BRCC3: variants seen among roughly 807,000 people sequenced by gnomAD.
BRCC3 encodes BRCA1/BRCA2-containing complex subunit 3, also known as lys-63-specific deubiquitinase BRCC36.
In BRCC3, 15 loss-of-function variants were observed where a neutral mutation model predicts 28.0. The ratio of observed to expected loss-of-function variants is 0.54; its 90% CI spans 0.36 to 0.82. The LOEUF is 0.82. Among genes scored for constraint, BRCC3 ranks in the 40% least tolerant of loss-of-function variants. The pLI is 0.01. For synonymous variants in BRCC3, 66 were observed against 80.3 expected (o/e 0.82, Z 0.95); for missense variants, 109 against 225.9 (o/e 0.48, Z 3.32).
chrX:155,088,352 CTTTTT>C (rs781981831), intron 5 of BRCC3, among the ~76,000 whole-genome samples: 1 of 90,323 alleles, frequency 1.1e-5, no homozygotes, highest in African/African-American at 4.0e-5. Flanking sequence ...TAGTTTTTGG[CTTTTT>C]TTTTTTTTTT....
At chrX:155,073,242 A>G (rs782704724) in intron 2 of BRCC3, 135 bp from the exon 3 acceptor site, 5 of 702,738 alleles carry the variant, frequency 7.1e-6, no homozygotes, top group Admixed American at 3.4e-5. Flanking sequence ...TCTAGCCTCA[A>G]TTCAGTTTCC....
At chrX:155,109,209 G>A (rs1016183061) in intron 7 of BRCC3, among the ~76,000 whole-genome samples, 2 of 111,906 alleles carry the variant, frequency 1.8e-5, no homozygotes, top group African/African-American at 3.2e-5. Flanking sequence ...CTTAGTTGCT[G>A]TAGCTTTATA....
Position 155,071,573 on chromosome X carries a change from T to A in BRCC3, c.46T>A (p.Ser16Thr). Residue 16 changes from serine (S) to threonine (T), a missense_variant, in exon 1 of 11, where the codon TCT (serine) becomes ACT (threonine). By Grantham distance (58) the Ser-to-Thr change is moderately conservative. Transcript: ENST00000330045. The stretch of plus-strand genomic sequence containing the variant: ...GGCGGTGCAGGCGGTTCATCTCGAG[T>A]CTGACGCTTTCCTCGTTTGTCTCAA... ...VQAVQAVHLE[S>T]DAFLVCLNHA... The A allele has an allele frequency of 8.3e-7, 1 of 1,207,939 alleles. No individual in the cohort carries two copies. The highest frequency in any genetic ancestry group is 1.8e-5 in the South Asian group (1 of 56,382).
intron 7 of BRCC3, among the ~76,000 whole-genome samples, chrX:155,115,644 T>C (rs2074349855): frequency 8.9e-6 from 1 of 112,394 alleles, no homozygotes; most frequent in African/African-American, 3.2e-5. Flanking sequence ...ACATAATGAA[T>C]GTGATGGAGT....
chrX:155,084,524 G>A (rs1227116579), intron 5 of BRCC3, among the ~76,000 whole-genome samples: 1 of 111,388 alleles, frequency 9.0e-6, no homozygotes, highest in Admixed American at 9.5e-5. Flanking sequence ...CACCACACCC[G>A]GCTAATTTTT....
At chrX:155,089,623 G>A (rs781828452) in intron 6 of BRCC3, among the ~76,000 whole-genome samples, 14 of 111,506 alleles carry the variant, frequency 1.3e-4, no homozygotes, top group Non-Finnish European at 2.5e-4. Flanking sequence ...AAGTTGGTGT[G>A]GCTGCAGCAG....
At chrX:155,100,716 C>T (rs1384504866) in intron 7 of BRCC3, among the ~76,000 whole-genome samples, 2 of 111,617 alleles carry the variant, frequency 1.8e-5, no homozygotes, top group Non-Finnish European at 3.8e-5. Flanking sequence ...ATATGTTTTT[C>T]CACTGTAAAG....
chrX:155,109,097 C>T (rs1389293763), intron 7 of BRCC3, among the ~76,000 whole-genome samples: 11 of 111,372 alleles, frequency 9.9e-5, no homozygotes, highest in African/African-American at 3.6e-4. Context: ...TGCTGCCTTG[C>T]CACTTTGCCT....
intron 7 of BRCC3, among the ~76,000 whole-genome samples, chrX:155,094,433 G>A (rs1412753634): frequency 4.5e-5 from 5 of 110,400 alleles, no homozygotes; most frequent in African/African-American, 1.3e-4. Flanking sequence ...TGGTGTATAC[G>A]CAGGCCAAAT....
chrX:155,103,844 T>G (rs1213666847), intron 7 of BRCC3, among the ~76,000 whole-genome samples: 3 of 111,592 alleles, frequency 2.7e-5, no homozygotes, highest in Non-Finnish European at 5.7e-5. Context: ...TTCAGTCTTT[T>G]TTTTTTCTAT....
intron 5 of BRCC3, 50 bp from the exon 6 acceptor site, chrX:155,089,213 T>G: frequency 3.7e-4 from 313 of 847,597 alleles, no homozygotes; most frequent in Non-Finnish European, 4.8e-4. Context: ...CAATAAGCTG[T>G]GAGACACAGC....
intron 5 of BRCC3, among the ~76,000 whole-genome samples, chrX:155,086,713 C>G (rs2074132679): frequency 1.8e-5 from 2 of 111,823 alleles, no homozygotes; most frequent in African/African-American, 6.5e-5. Context: ...CAGCCTCGTG[C>G]AAAGCACCCC....
chrX:155,083,382 G>C (rs782670714), intron 5 of BRCC3, among the ~76,000 whole-genome samples: 8 of 111,794 alleles, frequency 7.2e-5, no homozygotes, highest in African/African-American at 2.6e-4. Context: ...CACTTTAATA[G>C]AGAAAACAGG....
At chrX:155,081,323 T>TTCTG (rs1232741748) in intron 5 of BRCC3, among the ~76,000 whole-genome samples, 1 of 101,856 alleles carries the variant, frequency 9.8e-6, no homozygotes, top group African/African-American at 3.6e-5. Flanking sequence ...CAGAGCGAGA[T>TTCTG]TCTGTCTCAA....
intron 5 of BRCC3, chrX:155,078,987 G>T: frequency 4.5e-6 from 1 of 224,711 alleles, no homozygotes; most frequent in Non-Finnish European, 8.0e-6. Flanking sequence ...CAGACTTAAA[G>T]ATATTAAAGG....
At chrX:155,087,238 C>T (rs911254205) in intron 5 of BRCC3, among the ~76,000 whole-genome samples, 1 of 111,680 alleles carries the variant, frequency 9.0e-6, no homozygotes, top group Non-Finnish European at 1.9e-5. Flanking sequence ...CGATCCCACC[C>T]GGAGAAGCTT....
chrX:155,105,939 T>A (rs945867570), intron 7 of BRCC3, among the ~76,000 whole-genome samples: 5 of 112,371 alleles, frequency 4.4e-5, no homozygotes, highest in Admixed American at 9.4e-5. Context: ...CCTCCCAAAG[T>A]GCTGGGATTA....
rs2074390456 is a variant in BRCC3 at position 155,121,967 on chromosome X, A to G, written c.*763A>G. ...CATAGTGAGACTCTTGTCTCTACAAAAAGTTTTTTTAAAAAATTAACTGGG... is the reference window on the plus strand; with the variant it reads ...CATAGTGAGACTCTTGTCTCTACAAGAAGTTTTTTTAAAAAATTAACTGGG... On this transcript the variant is annotated 3_prime_UTR_variant, in exon 11 of 11. Coordinates refer to ENST00000330045, the MANE Select transcript of BRCC3 (RefSeq NM_001018055.3). 1.8e-5 allele frequency: 2 copies of G among 110,969 alleles called. No individual in the cohort carries two copies. The highest frequency in any genetic ancestry group is 6.6e-5 in the African/African-American group (2 of 30,419). The allele number at this position is 110,969 out of a possible 1,213,427, so 9.1% of individuals were successfully genotyped here.
At position 155,107,319 on chromosome X, in the gene BRCC3, TA is replaced by T. The variant is rs1299866324; in HGVS notation, c.549-8737del. Among the ~76,000 whole-genome samples the T allele has an allele frequency of 1.0e-4, 11 of 109,535 alleles. No individual in the cohort carries two copies. In the South Asian group the frequency reaches 3.8e-3, roughly 37 times the overall value. On this transcript the variant is annotated intron_variant, in intron 7 of 10. Coordinates refer to ENST00000330045, the MANE Select transcript of BRCC3 (RefSeq NM_001018055.3). ...ATAGATGCTAAGTAGTATTTTTATT[TA>T]TTTTTTTTTTTAAAAGTTCTTTAAT...
Sources: allele counts gnomAD v4.1 joint callset (sites outside exome capture counted in the v4.1 genomes callset), GRCh38; gene constraint gnomAD v4.1.1; transcripts MANE v1.5; gene names NCBI Gene and HGNC (gene_info 2026-07-23, HGNC 2026-07-21).